The following SDK1 variants were observed in gnomAD, a reference collection of about 807,000 sequenced individuals.
SDK1 encodes sidekick cell adhesion molecule 1, also known as protein sidekick-1.
In SDK1, 157 loss-of-function variants were observed where a neutral mutation model predicts 245.5. The observed-to-expected ratio is 0.64, with a 90% CI of 0.56 to 0.73. The LOEUF is 0.73. SDK1 is among the 30% of genes least tolerant of loss of function. The pLI is 0.00. For missense variants in SDK1, 3,583 were observed against 3,002.3 expected (o/e 1.19, Z -4.52); for synonymous variants, 1,647 against 1,278.5 (o/e 1.29, Z -6.15).
At chr7:4,209,763 C>T (rs1490734895) in intron 37 of SDK1, among the ~76,000 whole-genome samples, 2 of 152,100 alleles carry the variant, frequency 1.3e-5, no homozygotes, top group Non-Finnish European at 2.9e-5. Context: ...ATTTTTATGC[C>T]TTTGCCGTTT....
intron 1 of SDK1, among the ~76,000 whole-genome samples, chr7:3,308,405 A>G (rs1054530150): frequency 2.0e-5 from 3 of 152,146 alleles, no homozygotes; most frequent in Non-Finnish European, 4.4e-5. Flanking sequence ...TGTCTTCATT[A>G]GGGGCTTTTA....
chr7:3,687,285 C>T (rs1784314951), intron 4 of SDK1, among the ~76,000 whole-genome samples: 1 of 151,916 alleles, frequency 6.6e-6, no homozygotes, highest in African/African-American at 2.4e-5. Context: ...CACGTCACCA[C>T]ACCCAGCTAA....
intron 8 of SDK1, among the ~76,000 whole-genome samples, chr7:3,961,452 G>C (rs1000264386): frequency 6.6e-6 from 1 of 152,124 alleles, no homozygotes; most frequent in Non-Finnish European, 1.5e-5. Context: ...AGGGATTTTG[G>C]TGTGCTTTGC....
chr7:3,966,649 C>T (rs1450422618), intron 9 of SDK1, among the ~76,000 whole-genome samples: 1 of 151,998 alleles, frequency 6.6e-6, no homozygotes, highest in Non-Finnish European at 1.5e-5. Flanking sequence ...AAAGTGTCAT[C>T]TTGTGGATGA....
intron 1 of SDK1, among the ~76,000 whole-genome samples, chr7:3,353,658 A>C (rs1780717849): frequency 6.6e-6 from 1 of 152,200 alleles, no homozygotes; most frequent in South Asian, 2.1e-4. Flanking sequence ...AGCCAGACCT[A>C]TTACAAGGGA....
chr7:3,719,462 C>T lies in SDK1; in HGVS notation c.713+77357C>T, dbSNP rs1207338570. Among the ~76,000 whole-genome samples the T allele has an allele frequency of 5.3e-5, 8 of 152,088 alleles. No individual in the cohort carries two copies. In the East Asian group the frequency reaches 1.4e-3, roughly 26 times the overall value. ...GGAAAAGAGACATAGGTCAGTAGGA[C>T]AAGACAGAGAACCCAGAAACAGACC... On this transcript the variant is annotated intron_variant, in intron 4 of 44. Coordinates refer to ENST00000404826, the MANE Select transcript of SDK1 (RefSeq NM_152744.4).
At chr7:4,027,192 CA>C (rs1287855666) in intron 17 of SDK1, among the ~76,000 whole-genome samples, 1 of 152,134 alleles carries the variant, frequency 6.6e-6, no homozygotes, top group East Asian at 1.9e-4. Context: ...GCCGAGCACC[CA>C]GGAGAACTGA....
chr7:3,568,393 GTTC>G lies in SDK1; in HGVS notation c.299-50681_299-50679del, dbSNP rs1779995821. On this transcript the variant is annotated intron_variant, in intron 1 of 44. Transcript: ENST00000404826. Reference sequence around the variant, plus strand: ...TCCCTCTATTACCATAGTAATCACTGTTCTTCTTTATATTGTGGTATATGTATA... The same window carrying G: ...TCCCTCTATTACCATAGTAATCACTGTTCTTTATATTGTGGTATATGTATA... 3.3e-5 allele frequency among the ~76,000 whole-genome samples: 5 copies of G among 151,924 alleles called. No individual in the cohort carries two copies. In the East Asian group the frequency reaches 7.7e-4, roughly 23 times the overall value.
At chr7:3,867,814 T>A (rs1780858796) in intron 5 of SDK1, among the ~76,000 whole-genome samples, 1 of 152,212 alleles carries the variant, frequency 6.6e-6, no homozygotes, top group Admixed American at 6.5e-5. Context: ...AATCAGAATT[T>A]TCTTTAGAAA....
At chr7:4,071,919 C>G (rs186721755) in intron 20 of SDK1, among the ~76,000 whole-genome samples, 15 of 152,336 alleles carry the variant, frequency 9.8e-5, no homozygotes, top group African/African-American at 3.4e-4. Flanking sequence ...TCCCTTTTTA[C>G]AGATACACAC....
chr7:3,352,147 T>A (rs928156312), intron 1 of SDK1, among the ~76,000 whole-genome samples: 1 of 149,252 alleles, frequency 6.7e-6, no homozygotes. Flanking sequence ...TATATAAATA[T>A]ATATTTATAA....
chr7:3,875,209 G>GT (rs1781046838), intron 5 of SDK1, among the ~76,000 whole-genome samples: 1 of 141,624 alleles, frequency 7.1e-6, no homozygotes, highest in South Asian at 2.3e-4. Flanking sequence ...TTTTGAGTTA[G>GT]TTTTTTCCCT....
At chr7:3,411,159 C>T (rs1779188846) in intron 1 of SDK1, among the ~76,000 whole-genome samples, 1 of 152,078 alleles carries the variant, frequency 6.6e-6, no homozygotes, top group Non-Finnish European at 1.5e-5. Context: ...AAGGGAAGAT[C>T]AGTGTAGGGC....
chr7:4,072,604 G>A (rs572423515), intron 20 of SDK1, among the ~76,000 whole-genome samples: 2 of 152,222 alleles, frequency 1.3e-5, no homozygotes, highest in South Asian at 4.1e-4. Flanking sequence ...GTGTCTCATT[G>A]AGAAGAGCAA....
At chr7:3,719,970 C>G (rs1785317362) in intron 4 of SDK1, among the ~76,000 whole-genome samples, 1 of 148,918 alleles carries the variant, frequency 6.7e-6, no homozygotes, top group African/African-American at 2.5e-5. Context: ...AACAAGACTC[C>G]ATCTCTTAAA....
intron 20 of SDK1, among the ~76,000 whole-genome samples, chr7:4,069,627 G>A (rs1780119862): frequency 6.6e-6 from 1 of 152,344 alleles, no homozygotes; most frequent in African/African-American, 2.4e-5. Flanking sequence ...GTGTGTCCTA[G>A]AAGCCTGTGC....
At chr7:3,374,154 A>G (rs1410003594) in intron 1 of SDK1, among the ~76,000 whole-genome samples, 3 of 152,096 alleles carry the variant, frequency 2.0e-5, no homozygotes, top group Non-Finnish European at 4.4e-5. Flanking sequence ...TGTGTTTTGC[A>G]TAGTTGAAGG....
chr7:3,938,149 C>G (rs1780226225), intron 5 of SDK1, among the ~76,000 whole-genome samples: 1 of 152,174 alleles, frequency 6.6e-6, no homozygotes, highest in Non-Finnish European at 1.5e-5. Flanking sequence ...CAGGCCATTT[C>G]TTATCACAGC....
intron 34 of SDK1, among the ~76,000 whole-genome samples, chr7:4,177,183 C>T (rs1474959430): frequency 6.6e-6 from 1 of 152,190 alleles, no homozygotes; most frequent in Non-Finnish European, 1.5e-5. Flanking sequence ...GGCAGCCGTC[C>T]AAGGACGGGC....
Sources: allele counts gnomAD v4.1 joint callset (sites outside exome capture counted in the v4.1 genomes callset), GRCh38; gene constraint gnomAD v4.1.1; transcripts MANE v1.5; gene names NCBI Gene and HGNC (gene_info 2026-07-23, HGNC 2026-07-21).